The following DCHS2 variants were observed in gnomAD, a reference collection of about 807,000 sequenced individuals.
DCHS2 encodes the protein dachsous cadherin-related 2, also known as protocadherin-23.
DCHS2 carries 142 observed loss-of-function variants against 182.4 expected under a neutral mutation model. The ratio of observed to expected loss-of-function variants is 0.78; its 90% CI spans 0.68 to 0.89. The LOEUF (loss-of-function observed/expected upper bound fraction) is 0.89. Among genes scored for constraint, DCHS2 ranks in the 40% least tolerant of loss-of-function variants. DCHS2 has a pLI of 0.00. For synonymous variants in DCHS2, 1,740 were observed against 1,663.3 expected (o/e 1.05, Z -1.12); for missense variants, 4,319 against 4,198.6 (o/e 1.03, Z -0.79).
chr4:154,417,204 T>TGTGTGTGTGAGAGA (rs1560745908), intron 1 of DCHS2, among the ~76,000 whole-genome samples: 4 of 39,514 alleles, frequency 1.0e-4, no homozygotes, highest in Non-Finnish European at 1.9e-4. Context: ...TGTGTGTGTG[T>TGTGTGTGTGAGAGA]GAGAGAGAGA....
At position 154,236,449 on chromosome 4, in the gene DCHS2, T is replaced by C. The variant is rs1731510223; in HGVS notation, c.8203A>G (p.Lys2735Glu). The C allele has an allele frequency of 6.2e-7, 1 of 1,614,014 alleles. No homozygotes were observed. Among genetic ancestry groups the C allele is most frequent in the East Asian group, 2.2e-5 (1 of 44,854 alleles). Reference sequence around the variant, plus strand: ...GAAGCTTGGACAGTTAAGGTGAATTTTGTCATTTTTTCATAATCCAGAGGT... The same window carrying C: ...GAAGCTTGGACAGTTAAGGTGAATTCTGTCATTTTTTCATAATCCAGAGGT... Reference protein sequence around the residue: ...IKPLDYEKMTKFTLTVQASDA... With the variant: ...IKPLDYEKMTEFTLTVQASDA... Residue 2735 changes from lysine (K) to glutamate (E), a missense_variant, in exon 20 of 20, where the codon AAA becomes GAA. Coordinates refer to ENST00000357232, the MANE Select transcript of DCHS2 (RefSeq NM_001358235.2).
chr4:154,491,558 G>A lies in DCHS2; in HGVS notation c.-203C>T, dbSNP rs1728838668. The A allele has an allele frequency of 2.2e-6, 3 of 1,377,782 alleles. No homozygotes were observed. The highest frequency in any genetic ancestry group is 3.0e-5 in the African/African-American group (2 of 67,784). The allele number at this position is 1,377,782 out of a possible 1,614,324, so 85.3% of individuals were successfully genotyped here. A position where few individuals can be genotyped will look rare whatever the true frequency, so the allele number is the denominator to read the frequency against. On this transcript the variant is annotated 5_prime_UTR_variant, in exon 1 of 20. Coordinates refer to ENST00000357232, the MANE Select transcript of DCHS2 (RefSeq NM_001358235.2). ...GCCTGCAGCTCACGCAGACAGGGAA[G>A]TAAGCTCTAGCTGCCTCTGCCGCGG...
At chr4:154,285,919 C>T (rs943377464) in intron 13 of DCHS2, among the ~76,000 whole-genome samples, 1 of 152,092 alleles carries the variant, frequency 6.6e-6, no homozygotes, top group African/African-American at 2.4e-5. Context: ...TTCAAGGGGA[C>T]CCAGTGCTGT....
chr4:154,405,106 C>T (rs762749411), intron 1 of DCHS2, among the ~76,000 whole-genome samples: 2 of 151,940 alleles, frequency 1.3e-5, no homozygotes, highest in African/African-American at 2.4e-5. Context: ...AAAAATTAGC[C>T]AGGCCTGGTG....
rs1475111253 is a variant in DCHS2 at position 154,242,696 on chromosome 4, T to C, written c.7018A>G (p.Ile2340Val). ...AGAAAAGCTGGGGCATTGTCATTTA[T>C]ATCAGTCACCTGTACCTTGATTACA... ...TTVIKVQVTDINDNAPAFLPS... is the reference protein window; with the variant it reads ...TTVIKVQVTDVNDNAPAFLPS... Residue 2340 changes from isoleucine to valine, a missense_variant, in exon 17 of 20, where the codon ATA becomes GTA. Coordinates refer to ENST00000357232, the MANE Select transcript of DCHS2 (RefSeq NM_001358235.2). 1.9e-6 allele frequency: 3 copies of C among 1,613,152 alleles called. No individual in the cohort carries two copies. The highest frequency in any genetic ancestry group is 1.3e-5 in the African/African-American group (1 of 74,870).
chr4:154,310,356 A>T (rs557052157), intron 10 of DCHS2, among the ~76,000 whole-genome samples: 57 of 152,324 alleles, frequency 3.7e-4, no homozygotes, highest in South Asian at 2.5e-3. Flanking sequence ...TAGCCCATAG[A>T]GCTGTGTCTC....
At chr4:154,403,897 C>A (rs6849220) in intron 1 of DCHS2, among the ~76,000 whole-genome samples, 7,344 of 152,022 alleles carry the variant, frequency 0.048, 465 homozygotes, top group African/African-American at 0.14. Flanking sequence ...GTTTACATAC[C>A]CTTTTTAAGG....
intron 13 of DCHS2, among the ~76,000 whole-genome samples, chr4:154,281,554 A>G (rs2111235806): frequency 6.6e-6 from 1 of 152,302 alleles, no homozygotes; most frequent in Non-Finnish European, 1.5e-5. Flanking sequence ...ATGGAAAACC[A>G]TTCCATGTTT....
intron 12 of DCHS2, among the ~76,000 whole-genome samples, chr4:154,302,345 C>T (rs183517499): frequency 2.4e-4 from 36 of 152,358 alleles, no homozygotes; most frequent in African/African-American, 8.2e-4. Context: ...CCTGTGACTG[C>T]GCTGTGCAGG....
intron 11 of DCHS2, 50 bp downstream of exon 11, chr4:154,305,047 A>G (rs138890769): frequency 2.0e-6 from 3 of 1,515,592 alleles, no homozygotes. Flanking sequence ...GGTTTTTTTT[A>G]AATTTAATTT....
intron 1 of DCHS2, among the ~76,000 whole-genome samples, chr4:154,432,011 G>T (rs898643292): frequency 1.3e-5 from 2 of 152,088 alleles, no homozygotes; most frequent in Non-Finnish European, 2.9e-5. Flanking sequence ...ATAAAGAAGG[G>T]AATGCATCAA....
chr4:154,357,334 G>A, intron 3 of DCHS2: 1 of 1,576,404 alleles, frequency 6.3e-7, no homozygotes, highest in Non-Finnish European at 8.7e-7. Flanking sequence ...CCTAATTAGG[G>A]AAAAGGAGCC....
At chr4:154,373,726 A>C (rs922608155) in intron 2 of DCHS2, among the ~76,000 whole-genome samples, 1 of 152,116 alleles carries the variant, frequency 6.6e-6, no homozygotes, top group Non-Finnish European at 1.5e-5. Context: ...CCTCCTGCAC[A>C]CAGCTCCCTG....
At chr4:154,300,088 C>T (rs1427522123) in intron 12 of DCHS2, among the ~76,000 whole-genome samples, 7 of 152,026 alleles carry the variant, frequency 4.6e-5, no homozygotes, top group Admixed American at 1.3e-4. Context: ...GGAAAGAGCC[C>T]GTGGGAAGTT....
At chr4:154,480,846 C>T (rs1735892079) in intron 1 of DCHS2, among the ~76,000 whole-genome samples, 1 of 151,898 alleles carries the variant, frequency 6.6e-6, no homozygotes, top group East Asian at 1.9e-4. Context: ...CCAGGCTGGC[C>T]TCAAACTCCT....
chr4:154,244,994 A>G (rs1408591556), intron 16 of DCHS2, among the ~76,000 whole-genome samples: 1 of 152,154 alleles, frequency 6.6e-6, no homozygotes. Context: ...CATAATTACC[A>G]TTATTTTCAC....
chr4:154,397,049 C>G (rs1374064178), intron 1 of DCHS2, among the ~76,000 whole-genome samples: 1 of 152,166 alleles, frequency 6.6e-6, no homozygotes, highest in African/African-American at 2.4e-5. Context: ...AAAAGTAAGA[C>G]CCATGAATGT....
intron 16 of DCHS2, among the ~76,000 whole-genome samples, chr4:154,248,708 A>G (rs909053621): frequency 6.6e-6 from 1 of 152,240 alleles, no homozygotes; most frequent in Non-Finnish European, 1.5e-5. Context: ...TACAGTAATG[A>G]AAATAGCATG....
chr4:154,327,286 T>A lies in DCHS2; in HGVS notation c.4018+807A>T, dbSNP rs565981035. Among the ~76,000 whole-genome samples, 3 of 152,252 alleles carry A rather than the reference T, an allele frequency of 2.0e-5. No homozygotes were observed. The East Asian group carries it at 5.8e-4, about 29-fold the overall frequency. On this transcript the variant is annotated intron_variant, in intron 7 of 19. Transcript: ENST00000357232. ...GTAGATCTGCTCCTACCCCCTTTCA[T>A]TTTCTTTGTGAATTCACCATAGTGA...
Sources: gnomAD v4.1 joint callset for allele counts (sites outside exome capture counted in the v4.1 genomes callset) on GRCh38, gnomAD v4.1.1 for gene constraint, MANE v1.5 for transcripts, NCBI Gene and HGNC (gene_info 2026-07-23, HGNC 2026-07-21) for gene names.